The following GTF2F2 variants were observed in gnomAD, a reference collection of about 807,000 sequenced individuals.
GTF2F2 encodes general transcription factor IIF subunit 2.
A neutral mutation model predicts 42.2 loss-of-function variants in GTF2F2; 23 were observed. That is an observed-to-expected ratio of 0.55 (90% CI 0.39 to 0.77). The LOEUF is 0.77. Ranked by LOEUF, GTF2F2 falls within the 30% of genes least tolerant of loss-of-function variation. The pLI is 0.00. For missense variants in GTF2F2, 261 were observed against 287.2 expected (o/e 0.91, Z 0.66); for synonymous variants, 105 against 100.8 (o/e 1.04, Z -0.25).
chr13:45,133,475 C>T (rs1440193869), intron 1 of GTF2F2, among the ~76,000 whole-genome samples: 4 of 152,150 alleles, frequency 2.6e-5, no homozygotes, highest in Non-Finnish European at 5.9e-5. Context: ...AGCACTCCCT[C>T]AACATAGGGA....
At chr13:45,257,511 A>G (rs1876151613) in intron 6 of GTF2F2, among the ~76,000 whole-genome samples, 2 of 152,194 alleles carry the variant, frequency 1.3e-5, no homozygotes, top group Admixed American at 6.5e-5. Context: ...CTTCACTTTA[A>G]TATACTCAAG....
intron 5 of GTF2F2, among the ~76,000 whole-genome samples, chr13:45,248,255 G>A (rs548610609): frequency 7.9e-4 from 121 of 152,224 alleles, no homozygotes; most frequent in African/African-American, 2.5e-3. Flanking sequence ...ATAGATATGC[G>A]TGATTTATGA....
intron 5 of GTF2F2, among the ~76,000 whole-genome samples, chr13:45,228,283 C>CCTTTTTTTTTTT (rs1874468398): frequency 1.1e-5 from 1 of 92,708 alleles, no homozygotes; most frequent in Non-Finnish European, 2.1e-5. Flanking sequence ...CAGAGTTAAT[C>CCTTTTTTTTTTT]TTTTTTTTTT....
At chr13:45,231,743 A>G (rs78819989) in intron 5 of GTF2F2, among the ~76,000 whole-genome samples, 2,821 of 152,244 alleles carry the variant, frequency 0.019, 30 homozygotes, top group Middle Eastern at 0.031. Context: ...TTCAAACAGC[A>G]TATTAAAAAC....
At chr13:45,188,712 A>G (rs1872520395) in intron 4 of GTF2F2, among the ~76,000 whole-genome samples, 1 of 152,210 alleles carries the variant, frequency 6.6e-6, no homozygotes, top group South Asian at 2.1e-4. Context: ...GTGGAAGTTA[A>G]TGGAATTAGA....
At chr13:45,121,843 AAAAG>A (rs1160886008) in intron 1 of GTF2F2, among the ~76,000 whole-genome samples, 2 of 152,196 alleles carry the variant, frequency 1.3e-5, no homozygotes, top group African/African-American at 4.8e-5. Context: ...AGTGTGACTT[AAAAG>A]GATGGATTAA....
At chr13:45,282,977 C>G (rs577698421) in intron 7 of GTF2F2, among the ~76,000 whole-genome samples, 62 of 152,240 alleles carry the variant, frequency 4.1e-4, no homozygotes, top group Middle Eastern at 3.4e-3. Context: ...TGTCATATGC[C>G]TGCTTGATAG....
At chr13:45,148,466 G>A (rs1366567556) in intron 2 of GTF2F2, among the ~76,000 whole-genome samples, 36 of 151,800 alleles carry the variant, frequency 2.4e-4, no homozygotes, top group East Asian at 1.9e-4. Context: ...TGTGACTTTC[G>A]TTCAATTCTC....
intron 2 of GTF2F2, among the ~76,000 whole-genome samples, chr13:45,145,278 G>A (rs1870137012): frequency 1.3e-5 from 2 of 152,162 alleles, no homozygotes; most frequent in African/African-American, 4.8e-5. Context: ...ATGCCCTTTT[G>A]ACATGTCTTC....
At chr13:45,244,874 G>A (rs1875508039) in intron 5 of GTF2F2, among the ~76,000 whole-genome samples, 1 of 152,142 alleles carries the variant, frequency 6.6e-6, no homozygotes, top group African/African-American at 2.4e-5. Flanking sequence ...GTTTCATCAT[G>A]TTGGCCAGAC....
chr13:45,150,677 T>TTTTTTTTTTTA (rs1870444649), intron 3 of GTF2F2, among the ~76,000 whole-genome samples: 1 of 149,410 alleles, frequency 6.7e-6, no homozygotes, highest in African/African-American at 2.5e-5. Flanking sequence ...TTTTTTTTTT[T>TTTTTTTTTTTA]GAGATGGAGT....
intron 4 of GTF2F2, among the ~76,000 whole-genome samples, chr13:45,159,122 C>T (rs1428424135): frequency 6.6e-6 from 1 of 152,198 alleles, no homozygotes; most frequent in Non-Finnish European, 1.5e-5. Context: ...TACATATTGT[C>T]ATGAGACATA....
intron 1 of GTF2F2, chr13:45,122,992 TA>T (rs1243472706): frequency 7.2e-5 from 11 of 151,880 alleles, no homozygotes; most frequent in Non-Finnish European, 1.6e-4. Context: ...AGGTGACGTT[TA>T]AGAAAAGCCT....
In GTF2F2 at chr13:45,220,933, ATGTATGTG is replaced by A. The variant is rs1235139098; in HGVS notation, c.386+13432_386+13439del. The A allele has an allele frequency of 2.2e-5, 3 of 138,890 alleles. No individual in the cohort carries two copies. The East Asian group carries it at 6.0e-4, about 28-fold the overall frequency. 8.6% of individuals were successfully genotyped at this position (138,890 alleles called of 1,614,324 possible). A position where few individuals can be genotyped will look rare whatever the true frequency, so the allele number is the denominator to read the frequency against. On this transcript the variant is annotated intron_variant, in intron 5 of 7. Transcript: ENST00000340473. ...TGGTAAGTGATCCCATCTGCTTAAAATGTATGTGTGTGTGTGTGTGTGTGTGTGTGTGT... is the reference window on the plus strand; with the variant it reads ...TGGTAAGTGATCCCATCTGCTTAAAATGTGTGTGTGTGTGTGTGTGTGTGT...
chr13:45,217,990 C>G (rs1392016848), intron 5 of GTF2F2, among the ~76,000 whole-genome samples: 1 of 152,174 alleles, frequency 6.6e-6, no homozygotes. Context: ...CCTTTTATTA[C>G]TAAGTGTGAA....
At position 45,120,676 on chromosome 13, in the gene GTF2F2, CGACTT is replaced by C; in HGVS notation, c.25_29del (p.Leu9ArgfsTer15). On this transcript the variant is annotated frameshift_variant, in exon 1 of 8. Transcript: ENST00000340473. LOFTEE classifies it high-confidence loss of function. ...GACCCATGGCCGAGCGCGGGGAACT[CGACTT>C]GACCGGCGCCAAACAGAACACAGGA... 3 of 1,560,950 alleles carry C rather than the reference CGACTT, an allele frequency of 1.9e-6. No individual in the cohort carries two copies. Among genetic ancestry groups the C allele is most frequent in the Non-Finnish European group, 2.6e-6 (3 of 1,151,684 alleles).
chr13:45,128,196 G>A (rs1357910770), intron 1 of GTF2F2, among the ~76,000 whole-genome samples: 2 of 145,810 alleles, frequency 1.4e-5, no homozygotes, highest in East Asian at 2.1e-4. Flanking sequence ...TCCTGACCTC[G>A]TGATCCGCCT....
intron 4 of GTF2F2, among the ~76,000 whole-genome samples, chr13:45,203,645 T>C (rs1324072254): frequency 2.0e-5 from 3 of 152,222 alleles, no homozygotes; most frequent in South Asian, 2.1e-4. Flanking sequence ...TTCTGTAATA[T>C]ATAATCAGAT....
Position 45,191,227 on chromosome 13 carries a change from ATATATATAT to A in GTF2F2, c.305-16196_305-16188del, listed in dbSNP as rs1566129323. 1.8e-3 allele frequency among the ~76,000 whole-genome samples: 205 copies of A among 116,094 alleles called. 13 individuals carry two copies. The highest frequency in any genetic ancestry group is 4.8e-3 in the African/African-American group (133 of 27,570). The allele number at this position is 116,094 out of a possible 152,430, so 76.2% of individuals were successfully genotyped here. ...TCTACTAAAAATACAAAAAAAAAAT[ATATATATAT>A]ATATATATATATATATATAGCCATA... On this transcript the variant is annotated intron_variant, in intron 4 of 7. Transcript: ENST00000340473.
Sources: gnomAD v4.1 joint callset for allele counts (sites outside exome capture counted in the v4.1 genomes callset) on GRCh38, gnomAD v4.1.1 for gene constraint, MANE v1.5 for transcripts, NCBI Gene and HGNC (gene_info 2026-07-23, HGNC 2026-07-21) for gene names.